The following CTTNBP2NL variants were observed in gnomAD, a reference collection of about 807,000 sequenced individuals.
CTTNBP2NL encodes the protein CTTNBP2 N-terminal like.
In CTTNBP2NL, 16 loss-of-function variants were observed where a neutral mutation model predicts 32.5. The observed-to-expected ratio is 0.49, with a 90% CI of 0.33 to 0.75. The LOEUF is 0.75. Among genes scored for constraint, CTTNBP2NL ranks in the 30% least tolerant of loss-of-function variants. The probability of loss-of-function intolerance (pLI) is 0.02; values close to 1 mark genes in which losing one functional copy is unlikely to be tolerated. For missense variants in CTTNBP2NL, 645 were observed against 756.0 expected (o/e 0.85, Z 1.72); for synonymous variants, 298 against 289.4 (o/e 1.03, Z -0.30).
intron 1 of CTTNBP2NL, among the ~76,000 whole-genome samples, chr1:112,408,117 G>A (rs1648735848): frequency 6.6e-6 from 1 of 151,490 alleles, no homozygotes; most frequent in Non-Finnish European, 1.5e-5. Context: ...AAAGTGTTGG[G>A]ATTACAGGTG....
chr1:112,453,680 G>C (rs1171068122), intron 4 of CTTNBP2NL, among the ~76,000 whole-genome samples: 3 of 152,082 alleles, frequency 2.0e-5, no homozygotes, highest in Non-Finnish European at 1.5e-5. Context: ...CTTGAGCTCG[G>C]GAGGCCAAGG....
At chr1:112,434,059 T>G (rs1170546433) in intron 3 of CTTNBP2NL, among the ~76,000 whole-genome samples, 1 of 152,348 alleles carries the variant, frequency 6.6e-6, no homozygotes, top group East Asian at 1.9e-4. Context: ...TGCACAGTGG[T>G]ACATAGAATA....
chr1:112,441,079 C>T (rs760325220), intron 3 of CTTNBP2NL, among the ~76,000 whole-genome samples: 8 of 152,072 alleles, frequency 5.3e-5, no homozygotes, highest in Non-Finnish European at 7.4e-5. Context: ...TAGTGAAATG[C>T]ACAGATCTTA....
intron 4 of CTTNBP2NL, among the ~76,000 whole-genome samples, chr1:112,450,632 C>T (rs897875527): frequency 6.6e-6 from 1 of 152,010 alleles, no homozygotes; most frequent in Non-Finnish European, 1.5e-5. Flanking sequence ...GGAAGGTGTA[C>T]TAGGGACAGT....
At chr1:112,400,658 G>A (rs1420177736) in intron 1 of CTTNBP2NL, among the ~76,000 whole-genome samples, 1 of 152,158 alleles carries the variant, frequency 6.6e-6, no homozygotes, top group Admixed American at 6.5e-5. Flanking sequence ...AGGGTGTGGT[G>A]GCACATGCCT....
intron 4 of CTTNBP2NL, 140 bp downstream of exon 4, chr1:112,449,312 A>G: frequency 1.9e-6 from 1 of 531,462 alleles, no homozygotes; most frequent in South Asian, 3.1e-5. Context: ...TAGTTTATGT[A>G]AGAGCCAGGA....
At chr1:112,402,248 G>A (rs1336162987) in intron 1 of CTTNBP2NL, among the ~76,000 whole-genome samples, 6 of 151,972 alleles carry the variant, frequency 3.9e-5, no homozygotes, top group East Asian at 1.9e-4. Flanking sequence ...GAGAAACCCC[G>A]TCTCTACTAA....
chr1:112,449,344 T>A (rs1341607949), intron 4 of CTTNBP2NL, among the ~76,000 whole-genome samples, 172 bp downstream of exon 4: 1 of 69,992 alleles, frequency 1.4e-5, no homozygotes, highest in Non-Finnish European at 3.9e-5. Context: ...AAACACAGCT[T>A]ATTGCAAATG....
chr1:112,415,536 G>T (rs1014321517), intron 2 of CTTNBP2NL, among the ~76,000 whole-genome samples: 2 of 148,700 alleles, frequency 1.3e-5, no homozygotes, highest in African/African-American at 5.0e-5. Context: ...AAAATCAGTG[G>T]CTAATTCTTG....
chr1:112,453,018 G>A (rs1650268445), intron 4 of CTTNBP2NL, among the ~76,000 whole-genome samples: 1 of 151,810 alleles, frequency 6.6e-6, no homozygotes, highest in South Asian at 2.1e-4. Context: ...AGGAGGCTGA[G>A]GTGGGAGGAT....
intron 3 of CTTNBP2NL, among the ~76,000 whole-genome samples, chr1:112,439,626 A>G (rs528036167): frequency 6.6e-6 from 1 of 152,332 alleles, no homozygotes; most frequent in East Asian, 1.9e-4. Context: ...AGAGCCCAGC[A>G]CATCTCCAAT....
rs1223516934 is a variant in CTTNBP2NL, at chr1:112,416,204, A to G, written c.39A>G (p.Thr13=). ...LEKLSKPELL[T]LFSILEGELE... ...AACTCAGCAAGCCTGAACTCCTGAC[A>G]CTATTTAGTATTCTTGAAGGAGAGC... Residue 13 remains threonine (T), a synonymous_variant, in exon 3 of 6, where the codon ACA becomes ACG. Transcript: ENST00000271277. 7 of 1,609,134 alleles carry G rather than the reference A, an allele frequency of 4.4e-6. No individual in the cohort carries two copies. The highest frequency in any genetic ancestry group is 5.9e-6 in the Non-Finnish European group (7 of 1,178,130).
chr1:112,460,387 G>A lies in CTTNBP2NL; in HGVS notation c.*2975G>A, dbSNP rs1650516135. 6.6e-6 allele frequency: 1 copy of A among 152,126 alleles called. No individual in the cohort carries two copies. The highest frequency in any genetic ancestry group is 2.4e-5 in the African/African-American group (1 of 41,428). The allele number at this position is 152,126 out of a possible 1,614,324, so 9.4% of individuals were successfully genotyped here. On this transcript the variant is annotated 3_prime_UTR_variant, in exon 6 of 6. Transcript: ENST00000271277. ...GACCCATCCAGGTTAGACTCCATAAGGAACTAAGACATTGATTTTCTTTAG... is the reference window on the plus strand; with the variant it reads ...GACCCATCCAGGTTAGACTCCATAAAGAACTAAGACATTGATTTTCTTTAG...
chr1:112,416,668 T>A (rs1649075918), intron 3 of CTTNBP2NL, among the ~76,000 whole-genome samples: 1 of 152,030 alleles, frequency 6.6e-6, no homozygotes, highest in African/African-American at 2.4e-5. Flanking sequence ...AATTTTTGTA[T>A]TTTTAGTAGA....
upstream of CTTNBP2NL, among the ~76,000 whole-genome samples, chr1:112,391,756 G>A (rs992062747): frequency 2.0e-5 from 3 of 152,132 alleles, no homozygotes; most frequent in African/African-American, 4.8e-5. Context: ...TTGGGAGGCC[G>A]AGGCAAGTGG....
At chr1:112,426,605 C>CTTTTTTT (rs35801433) in intron 3 of CTTNBP2NL, among the ~76,000 whole-genome samples, 1 of 129,600 alleles carries the variant, frequency 7.7e-6, no homozygotes, top group African/African-American at 2.8e-5. Flanking sequence ...TACGGCAAAA[C>CTTTTTTT]TTTTTTTTTT....
Position 112,456,947 on chromosome 1 carries a change from G to A in CTTNBP2NL, c.1455G>A (p.Arg485=), listed in dbSNP as rs1210555410. The A allele has an allele frequency of 6.2e-7, 1 of 1,613,992 alleles. No homozygotes were observed. The highest frequency in any genetic ancestry group is 1.7e-5 in the Admixed American group (1 of 59,984). The change falls in exon 6 of 6, where the codon AGG becomes AGA. Residue 485 remains arginine, a synonymous_variant. Transcript: ENST00000271277. ...QASGLQSPPS[R]DLSPTLIDNS... is the part of the protein sequence containing the mutation. Reference sequence around the variant, plus strand: ...GTGGCCTACAGAGCCCTCCATCCAGGGATTTATCCCCCACCCTCATAGACA... The same window carrying A: ...GTGGCCTACAGAGCCCTCCATCCAGAGATTTATCCCCCACCCTCATAGACA...
intron 3 of CTTNBP2NL, among the ~76,000 whole-genome samples, chr1:112,436,062 T>C (rs968899982): frequency 3.3e-5 from 5 of 151,028 alleles, no homozygotes; most frequent in African/African-American, 1.2e-4. Context: ...TTTTTTTTTT[T>C]GAGATTTGCT....
Position 112,455,910 on chromosome 1 carries a change from C to CTCTTT in CTTNBP2NL, c.439-14_439-10dup, listed in dbSNP as rs770548662. 2.9e-5 allele frequency: 45 copies of CTCTTT among 1,559,224 alleles called. No individual in the cohort carries two copies. The African/African-American group carries it at 5.5e-4, about 19-fold the overall frequency. ...TTGATCACAGTTTGTCAGTATGTCT[C>CTCTTT]TCTTTTCTTTTTTTTTCTAGTTGGA... On this transcript the variant is annotated intron_variant, in intron 5 of 5. Coordinates refer to ENST00000271277, the MANE Select transcript of CTTNBP2NL (RefSeq NM_018704.3).
Sources: allele counts gnomAD v4.1 joint callset (sites outside exome capture counted in the v4.1 genomes callset), GRCh38; gene constraint gnomAD v4.1.1; transcripts MANE v1.5; gene names NCBI Gene and HGNC (gene_info 2026-07-23, HGNC 2026-07-21).